The following TMEM181 variants were observed in gnomAD, a reference collection of about 807,000 sequenced individuals.
TMEM181 encodes the protein G protein-coupled receptor 178.
In TMEM181, 39 loss-of-function variants were observed where a neutral mutation model predicts 71.9. The ratio of observed to expected loss-of-function variants is 0.54; its 90% CI spans 0.42 to 0.71. The LOEUF is 0.71. Ranked by LOEUF, TMEM181 falls within the 30% of genes least tolerant of loss-of-function variation. The pLI is 0.00. For missense variants in TMEM181, 595 were observed against 583.0 expected (o/e 1.02, Z -0.21); for synonymous variants, 245 against 228.8 (o/e 1.07, Z -0.64).
Position 158,629,785 on chromosome 6 carries a change from C to T in TMEM181, c.1248C>T (p.Ala416=), listed in dbSNP as rs1207839446. 3 of 1,614,040 alleles carry T rather than the reference C, an allele frequency of 1.9e-6. No homozygotes were observed. In the South Asian group the frequency reaches 3.3e-5, roughly 18 times the overall value. The part of the protein sequence containing the change: ...GLLNFYLYTL[A]FVYSPSKNAL... ...TGAACTTCTATCTCTACACCTTGGCCTTTGTATATTCTCCATCGAAGAATG... is the reference window on the plus strand; with the variant it reads ...TGAACTTCTATCTCTACACCTTGGCTTTTGTATATTCTCCATCGAAGAATG... Residue 416 remains alanine, a synonymous_variant, in exon 15 of 17, where the codon GCC becomes GCT. Transcript: ENST00000684151.
chr6:158,565,961 A>G (rs748112359), intron 1 of TMEM181, among the ~76,000 whole-genome samples: 17 of 152,206 alleles, frequency 1.1e-4, no homozygotes, highest in Non-Finnish European at 2.2e-4. Flanking sequence ...ACCTCGAGAC[A>G]GGAGGTTTTC....
At chr6:158,621,478 C>T (rs1053161438) in intron 10 of TMEM181, 53 of 213,960 alleles carry the variant, frequency 2.5e-4, no homozygotes, top group Admixed American at 1.2e-3. Context: ...GGTTTTCAGG[C>T]GCTTGGGGCT....
At chr6:158,600,700 A>T (rs1455940853) in intron 6 of TMEM181, among the ~76,000 whole-genome samples, 2 of 152,022 alleles carry the variant, frequency 1.3e-5, no homozygotes, top group East Asian at 3.9e-4. Context: ...CAAATTCCTG[A>T]CCTCAGGTGA....
In TMEM181 at chr6:158,549,530, T is replaced by A. The variant is rs937801142; in HGVS notation, c.131+12665T>A. 3.9e-5 allele frequency among the ~76,000 whole-genome samples: 6 copies of A among 152,190 alleles called. No homozygotes were observed. The East Asian group carries it at 9.6e-4, about 24-fold the overall frequency. On this transcript the variant is annotated intron_variant, in intron 1 of 16. Coordinates refer to the TMEM181 transcript ENST00000367090. ...ATGCAAACATGGTTGTTTACAGACT[T>A]CAAGACTATGGTGGTGTCAGCCTAA...
chr6:158,605,137 T>C (rs1446760328), intron 6 of TMEM181, 130 bp from the exon 7 acceptor site: 1 of 372,588 alleles, frequency 2.7e-6, no homozygotes, highest in Non-Finnish European at 4.8e-6. Flanking sequence ...AAAAAGTGTG[T>C]GTGTGTGTGT....
rs1284985454 is a variant in TMEM181, at chr6:158,565,372, G to A, written c.8+5140G>A. 2.0e-5 allele frequency among the ~76,000 whole-genome samples: 3 copies of A among 152,270 alleles called. No homozygotes were observed. In the South Asian group the frequency reaches 6.2e-4, roughly 32 times the overall value. On this transcript the variant is annotated intron_variant, in intron 1 of 16. Coordinates refer to ENST00000684151, the MANE Select transcript of TMEM181 (RefSeq NM_001376852.1). ...CCCGAGGTGCTCAGTGCATCTAGTG[G>A]GGACATGGCTTTACAGCTGGCCAGG...
chr6:158,617,393 C>T (rs914951891), intron 10 of TMEM181, among the ~76,000 whole-genome samples: 5 of 151,894 alleles, frequency 3.3e-5, no homozygotes, highest in African/African-American at 4.8e-5. Flanking sequence ...ATCTTGCTAG[C>T]GGTCTATTTT....
In TMEM181 at chr6:158,585,391, T is replaced by C; in HGVS notation, c.347T>C (p.Val116Ala). ...ACCACGATGTACATTCATAACAAAGTTCACAACCGGACAAGGACCCTCACA... is the reference window on the plus strand; with the variant it reads ...ACCACGATGTACATTCATAACAAAGCTCACAACCGGACAAGGACCCTCACA... ...DGTTMYIHNK[V>A]HNRTRTLTCA... Residue 116 changes from valine to alanine, a missense_variant, in exon 5 of 17, where the codon GTT becomes GCT. Coordinates refer to ENST00000684151, the MANE Select transcript of TMEM181 (RefSeq NM_001376852.1). 6.2e-7 allele frequency: 1 copy of C among 1,611,928 alleles called. No individual in the cohort carries two copies. The highest frequency in any genetic ancestry group is 8.5e-7 in the Non-Finnish European group (1 of 1,179,556).
Position 158,568,806 on chromosome 6 carries a change from C to T in TMEM181, c.9-4614C>T, listed in dbSNP as rs1286268316. Among the ~76,000 whole-genome samples, 5 of 152,248 alleles carry T rather than the reference C, an allele frequency of 3.3e-5. No homozygotes were observed. The East Asian group carries it at 7.7e-4, about 24-fold the overall frequency. ...TGTGGTCACTGAGCTGGTCTCACAG[C>T]AGGGGGCTAGGTTAGTTCTGGCAAA... On this transcript the variant is annotated intron_variant, in intron 1 of 16. Coordinates refer to ENST00000684151, the MANE Select transcript of TMEM181 (RefSeq NM_001376852.1).
chr6:158,560,202 G>C lies in TMEM181; in HGVS notation c.-23G>C. 1 of 984,954 alleles carries C rather than the reference G, an allele frequency of 1.0e-6. No homozygotes were observed. Among genetic ancestry groups the C allele is most frequent in the Non-Finnish European group, 1.2e-6 (1 of 829,762 alleles). 61.0% of individuals were successfully genotyped at this position (984,954 alleles called of 1,614,324 possible). ...GGCGGGCTCGGGACGCGCGGGCCGG[G>C]GCCGAGGGCTCTGGGCGCCGAGATG... On this transcript the variant is annotated 5_prime_UTR_variant, in exon 1 of 17. Transcript: ENST00000684151.
In TMEM181 at chr6:158,608,342, TC is replaced by T. The variant is rs1445292945; in HGVS notation, c.688del (p.Leu230SerfsTer45). 5 of 1,614,192 alleles carry T rather than the reference TC, an allele frequency of 3.1e-6. No homozygotes were observed. Among genetic ancestry groups the T allele is most frequent in the Admixed American group, 1.7e-5 (1 of 60,024 alleles). ...PLLLLYNDPF[F>X]PLSFLVNSWL... Reference sequence around the variant, plus strand: ...GCCCTTTGTGTTCCAGATCCGTTCTTCCCCCTCTCCTTCCTGGTCAACAGCT... The same window carrying T: ...GCCCTTTGTGTTCCAGATCCGTTCTTCCCCTCTCCTTCCTGGTCAACAGCT... On this transcript the variant is annotated frameshift_variant, in exon 9 of 17. Coordinates refer to ENST00000684151, the MANE Select transcript of TMEM181 (RefSeq NM_001376852.1). LOFTEE classifies it high-confidence loss of function.
chr6:158,596,893 G>A (rs993892560), intron 6 of TMEM181, among the ~76,000 whole-genome samples: 4 of 152,122 alleles, frequency 2.6e-5, no homozygotes, highest in Non-Finnish European at 4.4e-5. Flanking sequence ...ACCTCCCCCG[G>A]GTCCCTCCCA....
At chr6:158,621,996 G>A (rs1312239804) in intron 10 of TMEM181, among the ~76,000 whole-genome samples, 1 of 152,172 alleles carries the variant, frequency 6.6e-6, no homozygotes, top group Admixed American at 6.5e-5. Flanking sequence ...GCCCCTCAGA[G>A]CCAGCCGCAC....
In TMEM181 at chr6:158,589,699, C is replaced by T. The variant is rs1055100958; in HGVS notation, c.409C>T (p.Leu137Phe). The T allele has an allele frequency of 1.8e-5, 29 of 1,614,038 alleles. No individual in the cohort carries two copies. Among genetic ancestry groups the T allele is most frequent in the Non-Finnish European group, 2.5e-5 (29 of 1,179,998 alleles). ...ATGTGCGGAGATTATTGTGGCTCAC[C>T]TTGGCTACCTGAACTACACTCAGTA... ...GKCAEIIVAHLGYLNYTQYTV... is the reference protein window; with the variant it reads ...GKCAEIIVAHFGYLNYTQYTV... The change falls in exon 6 of 17, where the codon CTT becomes TTT. Residue 137 changes from leucine to phenylalanine, a missense_variant. Leu to Phe is a conservative substitution (Grantham distance 22). Transcript: ENST00000684151.
intron 11 of TMEM181, among the ~76,000 whole-genome samples, chr6:158,623,901 T>C (rs1786117888): frequency 6.6e-6 from 1 of 152,062 alleles, no homozygotes. Flanking sequence ...ACTGGGACGA[T>C]AGGCGTGCGC....
chr6:158,629,853 T>G lies in TMEM181; in HGVS notation c.1282+34T>G, dbSNP rs142341089. 383 of 1,570,074 alleles carry G rather than the reference T, an allele frequency of 2.4e-4. No homozygotes were observed. In the African/African-American group the frequency reaches 3.4e-3, roughly 14 times the overall value. On this transcript the variant is annotated intron_variant, in intron 15 of 16. Transcript: ENST00000684151. ...CCCTGGGGTCTGGACTGCTGGCCAGTTAGCGGGCACAGAGGCCTGTGTTCA... is the reference window on the plus strand; with the variant it reads ...CCCTGGGGTCTGGACTGCTGGCCAGGTAGCGGGCACAGAGGCCTGTGTTCA...
chr6:158,544,180 A>AGTGTGTGTGT (rs1163683618), intron 1 of TMEM181, among the ~76,000 whole-genome samples: 8 of 69,004 alleles, frequency 1.2e-4, no homozygotes, highest in African/African-American at 6.2e-4. Context: ...CAAATTGGAG[A>AGTGTGTGTGT]GAGTGTGTGT....
At chr6:158,626,782 A>C in intron 13 of TMEM181, 2 of 456,376 alleles carry the variant, frequency 4.4e-6, no homozygotes, top group South Asian at 3.1e-5. Context: ...GCTCACTCAC[A>C]CCTCACTCAT....
intron 15 of TMEM181, 82 bp from the exon 16 acceptor site, chr6:158,631,241 T>C (rs745725458): frequency 6.2e-6 from 9 of 1,441,598 alleles, no homozygotes; most frequent in African/African-American, 4.2e-5. Context: ...CCAACTCCCT[T>C]CCTTTGTCCG....
Sources: allele counts gnomAD v4.1 joint callset (sites outside exome capture counted in the v4.1 genomes callset), GRCh38; gene constraint gnomAD v4.1.1; transcripts MANE v1.5; gene names NCBI Gene and HGNC (gene_info 2026-07-23, HGNC 2026-07-21).